Variants in BRCA1 observed in about 807,000 individuals in gnomAD.
The protein encoded by BRCA1 is breast cancer type 1 susceptibility protein.
A neutral mutation model predicts 173.7 loss-of-function variants in BRCA1; 140 were observed. The observed-to-expected ratio is 0.81, with a 90% CI of 0.70 to 0.93. BRCA1 has a LOEUF of 0.93. BRCA1 is among the 40% of genes least tolerant of loss of function. The pLI, the probability that BRCA1 is intolerant of heterozygous loss-of-function variation, is 0.00. For missense variants in BRCA1, 1,983 were observed against 2,172.5 expected (o/e 0.91, Z 1.73); for synonymous variants, 662 against 756.0 (o/e 0.88, Z 2.04).
chr17:43,109,381 T>C (rs182691223), intron 3 of BRCA1, among the ~76,000 whole-genome samples: 8 of 152,136 alleles, frequency 5.3e-5, no homozygotes, highest in Non-Finnish European at 8.8e-5. Flanking sequence ...CAGAATTGGA[T>C]TGTAGCAAAG....
chr17:43,127,110 T>C (rs2055905672), upstream of BRCA1, among the ~76,000 whole-genome samples: 2 of 152,280 alleles, frequency 1.3e-5, no homozygotes, highest in Admixed American at 6.5e-5. Context: ...TCCCAACCCC[T>C]GTGAGCTCCA....
At position 43,094,289 on chromosome 17, in the gene BRCA1, G is replaced by A. The variant is rs372400428; in HGVS notation, c.1242C>T (p.Asp414=). The A allele has an allele frequency of 1.9e-5, 30 of 1,614,034 alleles. No homozygotes were observed. The highest frequency in any genetic ancestry group is 1.5e-4 in the Admixed American group (9 of 59,988). ...ESNAKVADVL[D]VLNEVDEYSG... is the part of the protein sequence containing the mutation. ...AATATTCATCTACCTCATTTAGAAC[G>A]TCCAATACATCAGCTACTTTGGCAT... Residue 414 remains aspartate, a synonymous_variant, in exon 10 of 23, where the codon GAC becomes GAT. Coordinates refer to ENST00000357654, the MANE Select transcript of BRCA1 (RefSeq NM_007294.4).
chr17:43,062,954 G>A (rs1440139144), intron 18 of BRCA1, among the ~76,000 whole-genome samples: 6 of 151,056 alleles, frequency 4.0e-5, no homozygotes, highest in East Asian at 1.9e-4. Context: ...GCAATGATGC[G>A]ATCTCAGCTC....
In BRCA1 at chr17:43,076,496, T is replaced by G; in HGVS notation, c.4476A>C (p.Gly1492=). Residue 1492 remains glycine (G), a synonymous_variant, in exon 13 of 23, where the codon GGA becomes GGC. Transcript: ENST00000357654. ...ACATTGATGTTTCTTACCTTTCCAC[T>G]CCTGGTTCTTTATTTTTACTGGTAG... ...DSSTSKNKEP[G]VERSSPSKCP... 6.2e-7 allele frequency: 1 copy of G among 1,613,686 alleles called. No individual in the cohort carries two copies. Among genetic ancestry groups the G allele is most frequent in the Non-Finnish European group, 8.5e-7 (1 of 1,179,828 alleles).
At chr17:43,134,479 A>G (rs968298869) in intron 1 of BRCA1, among the ~76,000 whole-genome samples, 36 of 152,334 alleles carry the variant, frequency 2.4e-4, no homozygotes, top group African/African-American at 7.0e-4. Flanking sequence ...ACTGAGGGAC[A>G]TTATGGGCTT....
intron 1 of BRCA1, chr17:43,144,251 C>A (rs1173685974): frequency 6.1e-6 from 2 of 329,140 alleles, no homozygotes; most frequent in African/African-American, 2.2e-5. Context: ...AATTTTCCTC[C>A]ATCTTGTAAG....
In BRCA1 at chr17:43,071,075, A is replaced by AGG; in HGVS notation, c.4838_4839insCC (p.Pro1614LeufsTer20). The stretch of plus-strand genomic sequence containing the variant: ...TATCAGTAGTATGAGCAGCAGCTGG[A>AGG]CTCTGGGCAGATTCTGCAACTTTCA... On this transcript the variant is annotated frameshift_variant, in exon 15 of 23. Transcript: ENST00000357654. LOFTEE classifies it high-confidence loss of function. The AGG allele has an allele frequency of 6.2e-7, 1 of 1,614,048 alleles. No homozygotes were observed. Among genetic ancestry groups the AGG allele is most frequent in the South Asian group, 1.1e-5 (1 of 91,082 alleles).
intron 11 of BRCA1, among the ~76,000 whole-genome samples, chr17:43,087,295 T>C (rs901078904): frequency 3.9e-5 from 6 of 152,052 alleles, no homozygotes; most frequent in African/African-American, 7.2e-5. Context: ...CATTCAGCAA[T>C]AGGTCAAATA....
At position 43,074,991 on chromosome 17, in the gene BRCA1, AAAGAAAGG is replaced by A. The variant is rs1354629760; in HGVS notation, c.4485-478_4485-471del. Among the ~76,000 whole-genome samples the A allele has an allele frequency of 2.0e-5, 3 of 151,286 alleles. No homozygotes were observed. The South Asian group carries it at 6.3e-4, about 32-fold the overall frequency. ...AGAAAAGAAAAGGAAGGGAGGAAGG[AAAGAAAGG>A]AAGAAAGGAAAGAAAGGAAAGAAAG... On this transcript the variant is annotated intron_variant, in intron 13 of 22. Coordinates refer to ENST00000357654, the MANE Select transcript of BRCA1 (RefSeq NM_007294.4).
At chr17:43,142,916 G>T (rs543209951) in intron 1 of BRCA1, among the ~76,000 whole-genome samples, 97 of 125,060 alleles carry the variant, frequency 7.8e-4, no homozygotes, top group East Asian at 1.2e-3. Context: ...GCTAATTTTT[G>T]TGTGTGTGTG....
intron 8 of BRCA1, 134 bp from the exon 9 acceptor site, chr17:43,096,056 GC>G: frequency 1.3e-6 from 1 of 760,176 alleles, no homozygotes; most frequent in Non-Finnish European, 2.2e-6. Context: ...AGTGAAAGCT[GC>G]TCTCTCCTTT....
chr17:43,046,222 CTTTT>C (rs71157698), intron 22 of BRCA1, among the ~76,000 whole-genome samples: 29 of 68,342 alleles, frequency 4.2e-4, no homozygotes, highest in African/African-American at 2.0e-3. Flanking sequence ...TGCACCTGGC[CTTTT>C]TTTTTTTTTT....
intron 1 of BRCA1, chr17:43,161,796 C>G (rs2056237400): frequency 6.6e-6 from 1 of 152,194 alleles, no homozygotes; most frequent in Non-Finnish European, 1.5e-5. Flanking sequence ...GGTACTAATT[C>G]TCGGGCTTCC....
chr17:43,084,310 G>A (rs1316352702), intron 11 of BRCA1, among the ~76,000 whole-genome samples: 7 of 152,200 alleles, frequency 4.6e-5, no homozygotes, highest in African/African-American at 2.4e-5. Context: ...GATTACAGGC[G>A]TGAGCCACCA....
At chr17:43,117,840 T>A (rs2055365279) in intron 2 of BRCA1, among the ~76,000 whole-genome samples, 1 of 152,200 alleles carries the variant, frequency 6.6e-6, no homozygotes, top group African/African-American at 2.4e-5. Context: ...CTGAGATTAG[T>A]TCATTTATTA....
At chr17:43,170,009 A>G in intron 1 of BRCA1, 1 of 463,154 alleles carries the variant, frequency 2.2e-6, no homozygotes. Flanking sequence ...TATCCTCCGT[A>G]AAGGTCACCT....
At chr17:43,155,699 A>AT (rs1325213772) in intron 1 of BRCA1, among the ~76,000 whole-genome samples, 2 of 151,954 alleles carry the variant, frequency 1.3e-5, no homozygotes, top group Non-Finnish European at 2.9e-5. Flanking sequence ...TGCCTGGCTA[A>AT]TTTTTTTGTA....
chr17:43,097,080 CA>C (rs1194711518), intron 8 of BRCA1, among the ~76,000 whole-genome samples, 163 bp downstream of exon 8: 4 of 152,160 alleles, frequency 2.6e-5, no homozygotes, highest in African/African-American at 9.7e-5. Context: ...AAAATCTATA[CA>C]CCAAATCCCA....
intron 3 of BRCA1, among the ~76,000 whole-genome samples, chr17:43,112,837 CTT>C (rs1482097419): frequency 1.3e-5 from 2 of 151,108 alleles, no homozygotes; most frequent in Non-Finnish European, 2.9e-5. Context: ...AGTTTTCACT[CTT>C]GTCGCCCAGG....
Sources: allele counts gnomAD v4.1 joint callset (sites outside exome capture counted in the v4.1 genomes callset), GRCh38; gene constraint gnomAD v4.1.1; transcripts MANE v1.5; gene names NCBI Gene and HGNC (gene_info 2026-07-23, HGNC 2026-07-21).